ATF1: variants seen among roughly 807,000 people sequenced by gnomAD.
ATF1 encodes cyclic AMP-dependent transcription factor ATF-1.
ATF1 carries 16 observed loss-of-function variants against 34.7 expected under a neutral mutation model. The ratio of observed to expected loss-of-function variants is 0.46; its 90% confidence interval spans 0.31 to 0.70. ATF1 has a LOEUF of 0.70. ATF1 is among the 30% of genes least tolerant of loss of function. The pLI, the probability that ATF1 is intolerant of heterozygous loss-of-function variation, is 0.05. For missense variants in ATF1, 255 were observed against 321.6 expected, an observed-to-expected ratio of 0.79 and a Z score of 1.58; for synonymous variants, 105 against 113.1, an observed-to-expected ratio of 0.93 and a Z score of 0.46.
rs890513045 is a variant in ATF1, at chr12:50,800,379, C to T, written c.194+4370C>T. Among the ~76,000 whole-genome samples, 35 of 152,198 alleles carry T rather than the reference C, an allele frequency of 2.3e-4. No individual in the cohort carries two copies. The South Asian group carries it at 2.9e-3, about 13-fold the overall frequency. ...ACAACTGCTAAGAAAATTCTTAAGACGAAAGAAAGTTAAGGAATGAAGAAA... is the reference window on the plus strand; with the variant it reads ...ACAACTGCTAAGAAAATTCTTAAGATGAAAGAAAGTTAAGGAATGAAGAAA... On this transcript the variant is annotated intron_variant, in intron 3 of 6. Transcript: ENST00000262053.
At chr12:50,816,607 T>C (rs1372283077) in intron 6 of ATF1, among the ~76,000 whole-genome samples, 1 of 151,370 alleles carries the variant, frequency 6.6e-6, no homozygotes, top group Non-Finnish European at 1.5e-5. Context: ...GAAAAAACCA[T>C]ACAGGCCAGG....
intron 1 of ATF1, 93 bp from the exon 2 acceptor site, chr12:50,780,047 G>A: frequency 1.2e-6 from 1 of 849,126 alleles, no homozygotes; most frequent in Non-Finnish European, 1.8e-6. Flanking sequence ...TTCCATTGAG[G>A]CAACTAAATG....
chr12:50,795,881 C>A, intron 2 of ATF1, 28 bp from the exon 3 acceptor site: 2 of 1,551,804 alleles, frequency 1.3e-6, no homozygotes, highest in South Asian at 2.3e-5. Flanking sequence ...CTGCATTGTT[C>A]ATCATGTTAA....
chr12:50,777,426 C>T (rs938244864), intron 1 of ATF1, among the ~76,000 whole-genome samples: 1 of 152,164 alleles, frequency 6.6e-6, no homozygotes, highest in East Asian at 1.9e-4. Context: ...CTGTCTGAAG[C>T]GATTTCATGC....
chr12:50,803,489 G>C (rs892778071), intron 3 of ATF1, among the ~76,000 whole-genome samples: 2 of 136,162 alleles, frequency 1.5e-5, no homozygotes, highest in East Asian at 2.1e-4. Flanking sequence ...TACACTGCTG[G>C]TAAGAATGTA....
chr12:50,806,829 A>G (rs994629839), intron 3 of ATF1, among the ~76,000 whole-genome samples: 2 of 152,176 alleles, frequency 1.3e-5, no homozygotes, highest in African/African-American at 2.4e-5. Flanking sequence ...ATTCTGTTAC[A>G]TAGGCAGGTT....
At chr12:50,801,336 A>G (rs184027747) in intron 3 of ATF1, among the ~76,000 whole-genome samples, 1 of 152,362 alleles carries the variant, frequency 6.6e-6, no homozygotes, top group African/African-American at 2.4e-5. Context: ...AAACTACACA[A>G]AAAGATTTAG....
chr12:50,775,868 T>A (rs1940907134), intron 1 of ATF1, among the ~76,000 whole-genome samples: 2 of 152,186 alleles, frequency 1.3e-5, no homozygotes, highest in Admixed American at 6.5e-5. Context: ...TTTATATTAG[T>A]CTGTGGGATT....
intron 4 of ATF1, 48 bp downstream of exon 4, chr12:50,809,637 T>A (rs556989698): frequency 3.3e-6 from 5 of 1,529,138 alleles, no homozygotes; most frequent in Non-Finnish European, 4.4e-6. Flanking sequence ...AAAACCTGAC[T>A]TTTCTGTAGA....
rs1413883670 is a variant in ATF1 at position 50,772,678 on chromosome 12, C to T, written c.-6-7462C>T. Among the ~76,000 whole-genome samples, 57 of 82,424 alleles carry T rather than the reference C, an allele frequency of 6.9e-4. No homozygotes were observed. In the South Asian group the frequency reaches 0.012, roughly 17 times the overall value. 54.1% of individuals were successfully genotyped at this position (82,424 alleles called of 152,430 possible). The stretch of plus-strand genomic sequence containing the variant: ...GAGGTAACTGTCTAAATATATTTTT[C>T]TCTCTCTCTCTCTCTCTTTTATTTT... On this transcript the variant is annotated intron_variant, in intron 1 of 6. Coordinates refer to ENST00000262053, the MANE Select transcript of ATF1 (RefSeq NM_005171.5).
chr12:50,815,741 G>A (rs971918913), intron 6 of ATF1, among the ~76,000 whole-genome samples: 6 of 152,010 alleles, frequency 3.9e-5, no homozygotes, highest in Admixed American at 1.3e-4. Flanking sequence ...CCAGTATGGA[G>A]ACTTCTCAAA....
At chr12:50,800,698 T>A (rs1941494779) in intron 3 of ATF1, among the ~76,000 whole-genome samples, 1 of 152,228 alleles carries the variant, frequency 6.6e-6, no homozygotes, top group Admixed American at 6.5e-5. Context: ...TGATCTGAGA[T>A]GGAACAGTTT....
At chr12:50,806,323 A>G in intron 3 of ATF1, 1 of 462,698 alleles carries the variant, frequency 2.2e-6, no homozygotes, top group Non-Finnish European at 4.5e-6. Context: ...TACTCATTGA[A>G]GAACTTGTTT....
chr12:50,796,227 T>G (rs1941406547), intron 3 of ATF1, among the ~76,000 whole-genome samples: 1 of 152,166 alleles, frequency 6.6e-6, no homozygotes, highest in South Asian at 2.1e-4. Context: ...AGACCCTGTC[T>G]CTTCAAAAAA....
At chr12:50,797,042 C>T (rs924787662) in intron 3 of ATF1, among the ~76,000 whole-genome samples, 5 of 152,058 alleles carry the variant, frequency 3.3e-5, no homozygotes, top group African/African-American at 1.2e-4. Flanking sequence ...TAACTGAAGA[C>T]AAAATGAGAG....
intron 1 of ATF1, among the ~76,000 whole-genome samples, chr12:50,771,334 GCTGTTA>G (rs1394047805): frequency 6.6e-6 from 1 of 152,076 alleles, no homozygotes; most frequent in Admixed American, 6.6e-5. Context: ...GGAATATATT[GCTGTTA>G]TACTTTTTGT....
At chr12:50,792,827 G>C (rs1941333602) in intron 2 of ATF1, among the ~76,000 whole-genome samples, 1 of 151,702 alleles carries the variant, frequency 6.6e-6, no homozygotes, top group Admixed American at 6.6e-5. Context: ...ATGCTTTATG[G>C]AGTTAGTACC....
At chr12:50,807,785 C>T in intron 3 of ATF1, among the ~76,000 whole-genome samples, 1 of 149,126 alleles carries the variant, frequency 6.7e-6, no homozygotes, top group Non-Finnish European at 1.5e-5. Context: ...CTTTCCTCTA[C>T]CCCCAATTGT....
intron 1 of ATF1, among the ~76,000 whole-genome samples, chr12:50,779,319 A>G (rs1219063428): frequency 6.6e-6 from 1 of 152,174 alleles, no homozygotes; most frequent in Non-Finnish European, 1.5e-5. Context: ...TGTTTGAGGA[A>G]CTGCCATAGC....
Sources: gnomAD v4.1 joint callset for allele counts (sites outside exome capture counted in the v4.1 genomes callset) on GRCh38, gnomAD v4.1.1 for gene constraint, MANE v1.5 for transcripts, NCBI Gene and HGNC (gene_info 2026-07-23, HGNC 2026-07-21) for gene names.